The following COA7 variants were observed in gnomAD, a reference collection of about 807,000 sequenced individuals.
COA7 encodes cytochrome c oxidase assembly factor 7.
COA7 carries 12 observed loss-of-function variants against 21.0 expected under a neutral mutation model. The ratio of observed to expected loss-of-function variants is 0.57; its 90% CI spans 0.37 to 0.92. The LOEUF is 0.92. COA7 is among the 40% of genes least tolerant of loss of function. The pLI, the probability that COA7 is intolerant of heterozygous loss-of-function variation, is 0.01. For missense variants in COA7, 240 were observed against 286.1 expected (o/e 0.84, Z 1.16); for synonymous variants, 95 against 107.4 (o/e 0.88, Z 0.72).
intron 1 of COA7, among the ~76,000 whole-genome samples, chr1:52,695,297 GAAAAA>G (rs35222338): frequency 1.5e-5 from 1 of 68,218 alleles, no homozygotes; most frequent in Non-Finnish European, 2.9e-5. Flanking sequence ...CAGCCTCAGG[GAAAAA>G]AAAAAAAAAA....
At chr1:52,694,612 G>T (rs952934009) in intron 1 of COA7, among the ~76,000 whole-genome samples, 1 of 152,130 alleles carries the variant, frequency 6.6e-6, no homozygotes, top group Non-Finnish European at 1.5e-5. Context: ...TCAACTTTGG[G>T]TGAATGGCTA....
chr1:52,689,934 G>A (rs112842972), intron 2 of COA7, among the ~76,000 whole-genome samples: 2,854 of 150,192 alleles, frequency 0.019, 89 homozygotes, highest in African/African-American at 0.067. Context: ...AGCTGAGGCA[G>A]AAGAATGGCA....
chr1:52,688,031 G>C lies in COA7; in HGVS notation c.385C>G (p.Pro129Ala), dbSNP rs1644018848. The change falls in exon 3 of 3, where the codon CCT becomes GCT. Residue 129 changes from proline (P) to alanine (A), a missense_variant. Around this residue, in one of 3 missense-constraint regions of COA7, gnomAD observed 163 missense variants for 214.1 expected, o/e 0.76. Coordinates refer to ENST00000371538, the MANE Select transcript of COA7 (RefSeq NM_023077.3). ...HDGQVNEDGQ[P>A]DLGKARDYYT... ...TAGTCCCTGGCCTTTCCCAAGTCAG[G>C]CTGGCCATCCTCATTAACCTGTCCA... 1 of 1,614,072 alleles carries C rather than the reference G, an allele frequency of 6.2e-7. No individual in the cohort carries two copies. The highest frequency in any genetic ancestry group is 8.5e-7 in the Non-Finnish European group (1 of 1,180,048).
chr1:52,692,576 C>A (rs539220086), intron 2 of COA7, 151 bp downstream of exon 2: 25 of 838,600 alleles, frequency 3.0e-5, no homozygotes, highest in Admixed American at 5.2e-5. Context: ...TTCTTCCCCC[C>A]ATCACTCTGC....
chr1:52,690,045 A>AAG (rs1553254575), intron 2 of COA7, among the ~76,000 whole-genome samples: 3 of 119,034 alleles, frequency 2.5e-5, no homozygotes, highest in African/African-American at 9.1e-5. Flanking sequence ...AAAAAGAAAA[A>AAG]AAAAAAAAAG....
At chr1:52,694,457 T>G (rs1644069853) in intron 1 of COA7, among the ~76,000 whole-genome samples, 1 of 107,836 alleles carries the variant, frequency 9.3e-6, no homozygotes, top group African/African-American at 4.3e-5. Flanking sequence ...CAAAACTCCA[T>G]CTCGAAAAAA....
intron 1 of COA7, among the ~76,000 whole-genome samples, chr1:52,695,782 C>T (rs1326774769): frequency 1.3e-5 from 2 of 152,130 alleles, no homozygotes; most frequent in African/African-American, 4.8e-5. Flanking sequence ...ACTACTACAC[C>T]AGTCGCTACG....
At position 52,687,491 on chromosome 1, in the gene COA7, CT is replaced by C; in HGVS notation, c.*228del. 1 of 545,562 alleles carries C rather than the reference CT, an allele frequency of 1.8e-6. No homozygotes were observed. Among genetic ancestry groups the C allele is most frequent in the Non-Finnish European group, 3.3e-6 (1 of 306,014 alleles). The allele number at this position is 545,562 out of a possible 1,614,324, so 33.8% of individuals were successfully genotyped here. A position where few individuals can be genotyped will look rare whatever the true frequency, so the allele number is the denominator to read the frequency against. On this transcript the variant is annotated 3_prime_UTR_variant, in exon 3 of 3. Transcript: ENST00000371538. Reference sequence around the variant, plus strand: ...GAACATCCAGATGAAGGAATATTGACTGTAATAAACATTGTACAGAACACCC... The same window carrying C: ...GAACATCCAGATGAAGGAATATTGACGTAATAAACATTGTACAGAACACCC...
In COA7 at chr1:52,684,797, C is replaced by T. The variant is rs575656027; in HGVS notation, c.*2923G>A. 5.3e-5 allele frequency: 8 copies of T among 151,954 alleles called. No homozygotes were observed. The highest frequency in any genetic ancestry group is 7.4e-5 in the Non-Finnish European group (5 of 67,984). 9.4% of individuals were successfully genotyped at this position (151,954 alleles called of 1,614,324 possible). A position where few individuals can be genotyped will look rare whatever the true frequency, so the allele number is the denominator to read the frequency against. ...AATTATTCCTCCCTCCCCTCCCCCA[C>T]CCACTGCTTTTTACTGTCTCCATAG... On this transcript the variant is annotated 3_prime_UTR_variant, in exon 3 of 3. Transcript: ENST00000371538.
Position 52,687,553 on chromosome 1 carries a change from G to A in COA7, c.*167C>T. 1 of 631,336 alleles carries A rather than the reference G, an allele frequency of 1.6e-6. No individual in the cohort carries two copies. Among genetic ancestry groups the A allele is most frequent in the Admixed American group, 2.9e-5 (1 of 34,176 alleles). 39.1% of individuals were successfully genotyped at this position (631,336 alleles called of 1,614,324 possible). On this transcript the variant is annotated 3_prime_UTR_variant, in exon 3 of 3. Transcript: ENST00000371538. ...ATATTGACTGAAATAAACATTGTAGGCTATACTCCAGTAGCTGGGGCAATG... is the reference window on the plus strand; with the variant it reads ...ATATTGACTGAAATAAACATTGTAGACTATACTCCAGTAGCTGGGGCAATG...
intron 1 of COA7, 66 bp from the exon 2 acceptor site, chr1:52,692,933 G>C: frequency 6.3e-7 from 1 of 1,579,520 alleles, no homozygotes; most frequent in Non-Finnish European, 8.7e-7. Flanking sequence ...GGACTTGGGG[G>C]TAGGGGGTGC....
At position 52,692,638 on chromosome 1, in the gene COA7, G is replaced by T. The variant is rs1038172382; in HGVS notation, c.247+89C>A. On this transcript the variant is annotated intron_variant, in intron 2 of 2. Coordinates refer to ENST00000371538, the MANE Select transcript of COA7 (RefSeq NM_023077.3). ...CAATGCACTTTCCCAATGCCTGCGA[G>T]ACCCTTCTGCAAGAGCTTATCATGG... 6.1e-6 allele frequency: 9 copies of T among 1,477,002 alleles called. No individual in the cohort carries two copies. The African/African-American group carries it at 1.3e-4, about 21-fold the overall frequency. 91.5% of individuals were successfully genotyped at this position (1,477,002 alleles called of 1,614,324 possible). A position where few individuals can be genotyped will look rare whatever the true frequency, so the allele number is the denominator to read the frequency against.
intron 1 of COA7, among the ~76,000 whole-genome samples, chr1:52,695,097 C>T (rs2149905688): frequency 6.6e-6 from 1 of 152,046 alleles, no homozygotes; most frequent in South Asian, 2.1e-4. Flanking sequence ...AGTTCTAGAC[C>T]AGCCTGGCTA....
At chr1:52,694,927 G>A (rs573004484) in intron 1 of COA7, among the ~76,000 whole-genome samples, 17 of 152,262 alleles carry the variant, frequency 1.1e-4, no homozygotes, top group African/African-American at 4.1e-4. Flanking sequence ...CATAGGCCTC[G>A]TGAAACATAG....
At position 52,688,053 on chromosome 1, in the gene COA7, T is replaced by G; in HGVS notation, c.363A>C (p.Gly121=). The G allele has an allele frequency of 6.8e-6, 11 of 1,614,164 alleles. No homozygotes were observed. The highest frequency in any genetic ancestry group is 9.3e-6 in the Non-Finnish European group (11 of 1,180,028). The change falls in exon 3 of 3, where the codon GGA becomes GGC. Residue 121 remains glycine, a synonymous_variant. Coordinates refer to ENST00000371538, the MANE Select transcript of COA7 (RefSeq NM_023077.3). ...CHNVGLLAHD[G]QVNEDGQPDL... ...CAGGCTGGCCATCCTCATTAACCTG[T>G]CCATCATGTGCCAGGAGGCCAACGT...
In COA7 at chr1:52,694,416, C is replaced by T. The variant is rs555676557; in HGVS notation, c.107-1549G>A. 1.6e-4 allele frequency among the ~76,000 whole-genome samples: 23 copies of T among 147,600 alleles called. No individual in the cohort carries two copies. The East Asian group carries it at 3.3e-3, about 21-fold the overall frequency. On this transcript the variant is annotated intron_variant, in intron 1 of 2. Transcript: ENST00000371538. ...CGGAGACTGCGGTGAGCCGAGATAGCGCCATTGCGCTCCAGCCTGGGCAAC... is the reference window on the plus strand; with the variant it reads ...CGGAGACTGCGGTGAGCCGAGATAGTGCCATTGCGCTCCAGCCTGGGCAAC...
At position 52,698,121 on chromosome 1, in the gene COA7, G is replaced by T. The variant is rs946608417; in HGVS notation, c.106+100C>A. ...GATCCACAGACCCCGTCCCCCGCCC[G>T]CCACGTGATTCCTTCTCCAGCCTCT... On this transcript the variant is annotated intron_variant, in intron 1 of 2. Coordinates refer to ENST00000371538, the MANE Select transcript of COA7 (RefSeq NM_023077.3). The T allele has an allele frequency of 7.0e-6, 6 of 851,744 alleles. No homozygotes were observed. In the African/African-American group the frequency reaches 1.0e-4, roughly 14 times the overall value. 52.8% of individuals were successfully genotyped at this position (851,744 alleles called of 1,614,324 possible).
chr1:52,698,142 CCT>C, intron 1 of COA7, 77 bp downstream of exon 1: 1 of 1,009,112 alleles, frequency 9.9e-7, no homozygotes, highest in Non-Finnish European at 1.5e-6. Context: ...CCTTCTCCAG[CCT>C]CTCAGAGGTC....
chr1:52,689,433 C>T (rs111981065), intron 2 of COA7, among the ~76,000 whole-genome samples: 4 of 151,604 alleles, frequency 2.6e-5, no homozygotes, highest in East Asian at 1.9e-4. Flanking sequence ...GGATTACAGG[C>T]GTGAGCCACT....
Sources: allele counts gnomAD v4.1 joint callset (sites outside exome capture counted in the v4.1 genomes callset), GRCh38; gene constraint gnomAD v4.1.1; regional missense constraint gnomAD v4.1.1; transcripts MANE v1.5; gene names NCBI Gene and HGNC (gene_info 2026-07-23, HGNC 2026-07-21).